HARS1: variants seen among roughly 807,000 people sequenced by gnomAD.
HARS1 encodes histidine--tRNA ligase, cytoplasmic.
A neutral mutation model predicts 63.6 loss-of-function variants in HARS1; 45 were observed. The ratio of observed to expected loss-of-function variants is 0.71; its 90% CI spans 0.56 to 0.91. The LOEUF is 0.91. Ranked by LOEUF, HARS1 falls within the 40% of genes least tolerant of loss-of-function variation. The probability of loss-of-function intolerance (pLI) is 0.00; values close to 1 mark genes in which losing one functional copy is unlikely to be tolerated. For synonymous variants in HARS1, 205 were observed against 247.1 expected, an observed-to-expected ratio of 0.83 and a Z score of 1.60; for missense variants, 508 against 643.2, an observed-to-expected ratio of 0.79 and a Z score of 2.27.
chr5:140,691,222 G>T lies in HARS1; in HGVS notation c.83C>A (p.Ala28Asp). Residue 28 changes from alanine to aspartate, a missense_variant, in exon 1 of 13, where the codon GCC becomes GAC. By Grantham distance (126) the Ala-to-Asp change is moderately radical. Around this residue, in one of 2 missense-constraint regions of HARS1, gnomAD observed 105 missense variants for 94.5 expected, o/e 1.11. Transcript: ENST00000504156. ...VRGLKQQKAS[A>D]ELIEEEVAKL... Reference sequence around the variant, plus strand: ...CTGCTGCCTAAATCTCACCAGCTCGGCGCTGGCCTTCTGCTGCTTGAGGCC... The same window carrying T: ...CTGCTGCCTAAATCTCACCAGCTCGTCGCTGGCCTTCTGCTGCTTGAGGCC... The T allele has an allele frequency of 6.2e-7, 1 of 1,602,768 alleles. No homozygotes were observed. Among genetic ancestry groups the T allele is most frequent in the Non-Finnish European group, 8.5e-7 (1 of 1,176,368 alleles).
At position 140,673,928 on chromosome 5, in the gene HARS1, G is replaced by T. The variant is rs1198790510; in HGVS notation, c.*329C>A. On this transcript the variant is annotated 3_prime_UTR_variant, in exon 13 of 13. Coordinates refer to ENST00000504156, the MANE Select transcript of HARS1 (RefSeq NM_002109.6). ...ACTCCGTGGTTGAGGCATTTTATTG[G>T]ACCTTTGGCAATTGGTGGTGGGGAG... is the stretch of plus-strand genomic sequence containing the variant. The T allele has an allele frequency of 1.8e-6, 1 of 558,782 alleles. No homozygotes were observed. Among genetic ancestry groups the T allele is most frequent in the Admixed American group, 3.1e-5 (1 of 32,280 alleles). The allele number at this position is 558,782 out of a possible 1,614,324, so 34.6% of individuals were successfully genotyped here. A position where few individuals can be genotyped will look rare whatever the true frequency, so the allele number is the denominator to read the frequency against.
chr5:140,678,946 C>T lies in HARS1; in HGVS notation c.522+56G>A, dbSNP rs1365523010. ...CACCGTGAGTACTCAATAGATTCTG[C>T]TGGCTTGAGAGAGCCCCAAGTAACT... On this transcript the variant is annotated intron_variant, in intron 5 of 12. Coordinates refer to ENST00000504156, the MANE Select transcript of HARS1 (RefSeq NM_002109.6). The T allele has an allele frequency of 7.6e-6, 12 of 1,587,986 alleles. No individual in the cohort carries two copies. In the Admixed American group the frequency reaches 1.4e-4, roughly 18 times the overall value.
At chr5:140,682,181 G>A (rs1400737362) in intron 3 of HARS1, among the ~76,000 whole-genome samples, 1 of 152,000 alleles carries the variant, frequency 6.6e-6, no homozygotes, top group Non-Finnish European at 1.5e-5. Context: ...GGGTTCGTTC[G>A]CAAGCAGCCT....
intron 2 of HARS1, among the ~76,000 whole-genome samples, chr5:140,685,880 A>G (rs772754093): frequency 3.9e-5 from 6 of 152,096 alleles, no homozygotes; most frequent in Admixed American, 2.0e-4. Context: ...TCATTATACA[A>G]TATCAGGAAG....
At chr5:140,680,742 A>G (rs188705391) in intron 3 of HARS1, among the ~76,000 whole-genome samples, 1 of 151,994 alleles carries the variant, frequency 6.6e-6, no homozygotes, top group African/African-American at 2.4e-5. Flanking sequence ...TCGGAGGCTT[A>G]GGCAGGAGAA....
rs1322688165 is a variant in HARS1 at position 140,676,255 on chromosome 5, A to G, written c.1194+399T>C. ...TCAGTGTTCTCATCTGGAAAATGCA[A>G]TTAATAAAATTAGCTACTCTCACAG... On this transcript the variant is annotated intron_variant, in intron 10 of 12. Coordinates refer to ENST00000504156, the MANE Select transcript of HARS1 (RefSeq NM_002109.6). This position sits in a 1 kb window ranked among gnomAD's most constrained non-coding sequence, Gnocchi z 4.1. 1 of 172,528 alleles carries G rather than the reference A, an allele frequency of 5.8e-6. No individual in the cohort carries two copies. The highest frequency in any genetic ancestry group is 1.2e-5 in the Non-Finnish European group (1 of 81,570). The allele number at this position is 172,528 out of a possible 1,614,324, so 10.7% of individuals were successfully genotyped here.
In HARS1 at chr5:140,679,472, G is replaced by C. The variant is rs137973748; in HGVS notation, c.396+316C>G. On this transcript the variant is annotated intron_variant, in intron 4 of 12. Coordinates refer to ENST00000504156, the MANE Select transcript of HARS1 (RefSeq NM_002109.6). This position sits in a 1 kb window ranked among gnomAD's most constrained non-coding sequence, Gnocchi z 4.3. ...GATTCTCTGTGTAGCTTGGAGACAA[G>C]GGAAATGTGTTGCTAGTCCATTAAG... The C allele has an allele frequency of 2.1e-3, 846 of 402,094 alleles. 10 individuals carry two copies. The highest frequency in any genetic ancestry group is 0.018 in the Middle Eastern group (26 of 1,478). The allele number at this position is 402,094 out of a possible 1,614,324, so 24.9% of individuals were successfully genotyped here. A position where few individuals can be genotyped will look rare whatever the true frequency, so the allele number is the denominator to read the frequency against.
At position 140,676,320 on chromosome 5, in the gene HARS1, C is replaced by T; in HGVS notation, c.1194+334G>A. The stretch of plus-strand genomic sequence containing the variant: ...TTATATTTTGATAATGCATGAAAAG[C>T]ACCAAGCACAGTGCCTGGCACAAGG... On this transcript the variant is annotated intron_variant, in intron 10 of 12. Transcript: ENST00000504156. The surrounding 1 kb of genome is among the most constrained non-coding windows in gnomAD (Gnocchi z 4.1). 4.0e-6 allele frequency: 1 copy of T among 252,952 alleles called. No homozygotes were observed. The allele number at this position is 252,952 out of a possible 1,614,324, so 15.7% of individuals were successfully genotyped here.
intron 7 of HARS1, 70 bp from the exon 8 acceptor site, chr5:140,677,490 T>G: frequency 7.8e-7 from 1 of 1,287,028 alleles, no homozygotes; most frequent in Non-Finnish European, 1.1e-6. Flanking sequence ...TGTACTGTCC[T>G]CGGGGAACCG....
Position 140,690,857 on chromosome 5 carries a change from T to TG in HARS1, c.177dup (p.Lys60GlnfsTer7). 1 of 1,563,924 alleles carries TG rather than the reference T, an allele frequency of 6.4e-7. No individual in the cohort carries two copies. Among genetic ancestry groups the TG allele is most frequent in the Non-Finnish European group, 8.8e-7 (1 of 1,134,092 alleles). ...GCTCCCTACAGGAATGATATTACCT[T>TG]GGGGGTTTTGAGCACAAATTTCTGT... On this transcript the variant is annotated frameshift_variant, in exon 2 of 13. Coordinates refer to ENST00000504156, the MANE Select transcript of HARS1 (RefSeq NM_002109.6). LOFTEE classifies it high-confidence loss of function.
chr5:140,680,762 C>A (rs1395405982), intron 3 of HARS1, among the ~76,000 whole-genome samples: 1 of 151,776 alleles, frequency 6.6e-6, no homozygotes, highest in Admixed American at 6.6e-5. Flanking sequence ...ATCGCTTGAA[C>A]CCGGGAGGCA....
In HARS1 at chr5:140,678,070, G is replaced by T. The variant is rs897285404; in HGVS notation, c.523-55C>A. On this transcript the variant is annotated intron_variant, in intron 5 of 12. Transcript: ENST00000504156. ...CAGGGATTCACCTTTCTGAAGGGGG[G>T]ACTCTGGGAGCTCTGTCCTCTAGGA... The T allele has an allele frequency of 7.7e-6, 7 of 913,746 alleles. No individual in the cohort carries two copies. The African/African-American group carries it at 9.7e-5, about 13-fold the overall frequency. The allele number at this position is 913,746 out of a possible 1,614,324, so 56.6% of individuals were successfully genotyped here.
chr5:140,683,691 G>T (rs1758851434), intron 2 of HARS1: 1 of 157,764 alleles, frequency 6.3e-6, no homozygotes, highest in African/African-American at 2.4e-5. Context: ...AATTAGCCGG[G>T]TGCGACGACA....
chr5:140,678,278 C>A, intron 5 of HARS1: 1 of 506,368 alleles, frequency 2.0e-6, no homozygotes, highest in South Asian at 2.5e-5. Context: ...GATTATATGG[C>A]TTTAGTGCTT....
chr5:140,676,929 T>G lies in HARS1; in HGVS notation c.952-33A>C, dbSNP rs1391054861. On this transcript the variant is annotated intron_variant, in intron 9 of 12. Transcript: ENST00000504156. The surrounding 1 kb of genome is among the most constrained non-coding windows in gnomAD (Gnocchi z 4.1). ...GATAAGAAAATGGTCAGTGCCAGATTAAGATCAGGGACCTGAAGCCCCAGA... is the reference window on the plus strand; with the variant it reads ...GATAAGAAAATGGTCAGTGCCAGATGAAGATCAGGGACCTGAAGCCCCAGA... 1.2e-6 allele frequency: 2 copies of G among 1,613,418 alleles called. No homozygotes were observed. The highest frequency in any genetic ancestry group is 1.7e-6 in the Non-Finnish European group (2 of 1,179,606).
chr5:140,688,906 C>T (rs1448098652), intron 2 of HARS1, among the ~76,000 whole-genome samples: 1 of 152,154 alleles, frequency 6.6e-6, no homozygotes, highest in African/African-American at 2.4e-5. Context: ...AGAATACTTC[C>T]CAGGTGGTGC....
At chr5:140,682,573 G>A (rs1342941456) in intron 3 of HARS1, among the ~76,000 whole-genome samples, 1 of 152,234 alleles carries the variant, frequency 6.6e-6, no homozygotes, top group East Asian at 1.9e-4. Context: ...TAGAGACAGG[G>A]GCTTGCTACA....
At chr5:140,680,826 G>T (rs1199983325) in intron 3 of HARS1, among the ~76,000 whole-genome samples, 1 of 150,524 alleles carries the variant, frequency 6.6e-6, no homozygotes, top group East Asian at 2.0e-4. Flanking sequence ...GGTGACGAGA[G>T]TGAAACTCTG....
In HARS1 at chr5:140,691,187, G is replaced by GC. The variant is rs768226640; in HGVS notation, c.90+27dup. The GC allele has an allele frequency of 1.1e-4, 173 of 1,524,316 alleles. 1 individual carries two copies. The Middle Eastern group carries it at 1.2e-3, about 10-fold the overall frequency. 94.4% of individuals were successfully genotyped at this position (1,524,316 alleles called of 1,614,324 possible). On this transcript the variant is annotated intron_variant, in intron 1 of 12. Coordinates refer to ENST00000504156, the MANE Select transcript of HARS1 (RefSeq NM_002109.6). ...TTACGTCCTCCCAGGCTTTGCCTTGGCCCTCTCCCCTGCTGCCTAAATCTC... is the reference window on the plus strand; with the variant it reads ...TTACGTCCTCCCAGGCTTTGCCTTGGCCCCTCTCCCCTGCTGCCTAAATCTC...
Sources: gnomAD v4.1 joint callset for allele counts (sites outside exome capture counted in the v4.1 genomes callset) on GRCh38, gnomAD v4.1.1 for gene constraint, gnomAD v4.1.1 regional missense constraint, Gnocchi (gnomAD v3.1) non-coding constraint, MANE v1.5 for transcripts, NCBI Gene and HGNC (gene_info 2026-07-23, HGNC 2026-07-21) for gene names.